WDR62: variants seen among roughly 807,000 people sequenced by gnomAD.
WDR62 encodes the protein WD repeat-containing protein 62.
Under a neutral mutation model 160.6 loss-of-function variants are expected in WDR62, and 112 were observed. That is an observed-to-expected ratio of 0.70 (90% confidence interval 0.60 to 0.82). WDR62 has a LOEUF of 0.82. WDR62 is among the 40% of genes least tolerant of loss of function. The pLI, the probability that WDR62 is intolerant of heterozygous loss-of-function variation, is 0.00. For synonymous variants in WDR62, 792 were observed against 815.1 expected (o/e 0.97, Z 0.48); for missense variants, 1,819 against 1,983.8 (o/e 0.92, Z 1.58).
downstream of WDR62, among the ~76,000 whole-genome samples, chr19:36,109,905 A>G (rs1242754931): frequency 6.7e-6 from 1 of 150,340 alleles, no homozygotes; most frequent in East Asian, 2.0e-4. Context: ...AACACAAAAA[A>G]TCAGCTGGGT....
At chr19:36,104,267 A>T (rs1008088721) in intron 30 of WDR62, among the ~76,000 whole-genome samples, 2 of 152,168 alleles carry the variant, frequency 1.3e-5, no homozygotes, top group Non-Finnish European at 2.9e-5. Context: ...ACACATGCTT[A>T]GGAGGGACAG....
chr19:36,081,792 A>G (rs1379670277), intron 10 of WDR62: 3 of 682,624 alleles, frequency 4.4e-6, no homozygotes, highest in Non-Finnish European at 7.9e-6. Flanking sequence ...ATTCTTTGCC[A>G]GTTGGCTCCT....
intron 3 of WDR62, among the ~76,000 whole-genome samples, chr19:36,065,200 C>T (rs1369381520): frequency 6.6e-6 from 1 of 152,150 alleles, no homozygotes; most frequent in African/African-American, 2.4e-5. Context: ...TAAGGAGCCA[C>T]GGGAAGCCTG....
At chr19:36,067,765 C>A (rs544160522) in intron 6 of WDR62, 63 bp from the exon 7 acceptor site, 2 of 1,570,482 alleles carry the variant, frequency 1.3e-6, no homozygotes, top group Non-Finnish European at 8.7e-7. Flanking sequence ...TGTGTCCTAT[C>A]ATCTGGTCAT....
chr19:36,106,264 G>A (rs952015487), downstream of WDR62, among the ~76,000 whole-genome samples: 3 of 151,478 alleles, frequency 2.0e-5, no homozygotes, highest in Admixed American at 1.3e-4. Context: ...TACTCAGGAG[G>A]TTGAGGCAGG....
In WDR62 at chr19:36,073,468, C is replaced by T. The variant is rs794727965; in HGVS notation, c.1170C>T (p.Asp390=). The stretch of plus-strand genomic sequence containing the variant: ...GCATCTACATCTGGGATGTCAAGGA[C>T]ATCAACAGAGTGGGCAAGGTGTGGT... ...DHSIYIWDVK[D]INRVGKVWSE... is the part of the protein sequence containing the mutation. The change falls in exon 9 of 32, where the codon GAC becomes GAT. Residue 390 remains aspartate (D), a synonymous_variant. Transcript: ENST00000401500. The T allele has an allele frequency of 1.3e-5, 21 of 1,613,942 alleles. No homozygotes were observed. The Admixed American group carries it at 3.3e-4, about 26-fold the overall frequency.
intron 18 of WDR62, 89 bp from the exon 19 acceptor site, chr19:36,092,600 G>A (rs1307252869): frequency 1.9e-6 from 3 of 1,567,540 alleles, no homozygotes; most frequent in Admixed American, 1.7e-5. Flanking sequence ...GGTCCAGGCT[G>A]TGGTGTGGGT....
rs1972440677 is a variant in WDR62, at chr19:36,089,192, A to G, written c.1844A>G (p.Asp615Gly). Residue 615 changes from aspartate to glycine, a missense_variant, in exon 15 of 32, where the codon GAT (aspartate) becomes GGT (glycine). By Grantham distance (94) the Asp-to-Gly change is moderately conservative. This residue lies in a region of WDR62 where 934 missense variants were observed against 1,157.2 expected (regional missense o/e 0.81). Transcript: ENST00000401500. ...IYFRSAQQGS[D>G]GLHFVRTHHV... Reference sequence around the variant, plus strand: ...TCCTGCCGGCCCTGCCAGGGTTCGGATGGACTACACTTTGTCCGTACCCAC... The same window carrying G: ...TCCTGCCGGCCCTGCCAGGGTTCGGGTGGACTACACTTTGTCCGTACCCAC... The G allele has an allele frequency of 2.5e-6, 4 of 1,614,096 alleles. No individual in the cohort carries two copies. The highest frequency in any genetic ancestry group is 1.3e-5 in the African/African-American group (1 of 75,018).
intron 1 of WDR62, among the ~76,000 whole-genome samples, chr19:36,058,395 CCTT>C (rs777539673): frequency 6.6e-6 from 1 of 152,192 alleles, no homozygotes; most frequent in Non-Finnish European, 1.5e-5. Flanking sequence ...TCACAGGTCA[CCTT>C]CTCACCGCGG....
At chr19:36,070,145 ATTT>A (rs1293049326) in intron 7 of WDR62, 1 of 142,892 alleles carries the variant, frequency 7.0e-6, no homozygotes, top group Non-Finnish European at 1.5e-5. Context: ...ACTTTTATTT[ATTT>A]TTATTTATTT....
chr19:36,111,130 G>T, the WDR62 span: 2 of 1,297,434 alleles, frequency 1.5e-6, no homozygotes, highest in Non-Finnish European at 2.1e-6. Flanking sequence ...TCCCACCAGG[G>T]ATAGTCATCC....
the WDR62 span, among the ~76,000 whole-genome samples, chr19:36,110,904 C>T: frequency 6.6e-6 from 1 of 152,066 alleles, no homozygotes. Context: ...TTCTTCCTAT[C>T]CTCAAAAGCT....
intron 9 of WDR62, chr19:36,073,932 C>G (rs1971437569): frequency 2.8e-6 from 1 of 358,134 alleles, no homozygotes; most frequent in African/African-American, 2.1e-5. Flanking sequence ...CACAGAGGCC[C>G]TGCGGCAGGA....
downstream of WDR62, among the ~76,000 whole-genome samples, chr19:36,107,147 C>T (rs970664165): frequency 1.3e-5 from 2 of 152,208 alleles, no homozygotes; most frequent in African/African-American, 4.8e-5. Flanking sequence ...ACGTTGGTTA[C>T]CCTTGATGTC....
intron 30 of WDR62, 22 bp from the exon 31 acceptor site, chr19:36,104,496 C>T (rs1973612206): frequency 6.2e-7 from 1 of 1,612,882 alleles, no homozygotes. Flanking sequence ...TCATCTTGCT[C>T]ATTCCCTTCT....
chr19:36,072,716 G>A (rs1332756589), intron 8 of WDR62, among the ~76,000 whole-genome samples: 1 of 152,150 alleles, frequency 6.6e-6, no homozygotes, highest in East Asian at 1.9e-4. Context: ...CAACCCACAG[G>A]CAGTGTTGTG....
At chr19:36,094,912 T>C (rs113770752) in intron 20 of WDR62, among the ~76,000 whole-genome samples, 4 of 152,002 alleles carry the variant, frequency 2.6e-5, no homozygotes, top group African/African-American at 7.3e-5. Context: ...ACACCTATAG[T>C]CCCAGCTACC....
At chr19:36,107,653 T>TG (rs1292936096), downstream of WDR62, among the ~76,000 whole-genome samples, 2 of 151,890 alleles carry the variant, frequency 1.3e-5, no homozygotes, top group Non-Finnish European at 2.9e-5. Context: ...ATTGCTTTGA[T>TG]GTGCTTGGAC....
Position 36,067,976 on chromosome 19 carries a change from A to T in WDR62, c.848A>T (p.Glu283Val), listed in dbSNP as rs1160306031. 1.2e-6 allele frequency: 2 copies of T among 1,614,144 alleles called. No individual in the cohort carries two copies. The highest frequency in any genetic ancestry group is 2.7e-5 in the African/African-American group (2 of 75,058). ...SYSGLLCQFN[E>V]KRVLEKWINL... is the part of the protein sequence containing the mutation. ...TCGGGCCTCCTCTGCCAGTTCAATGAGAAGAGGGTGCTGGAGAAGTGGATC... is the reference window on the plus strand; with the variant it reads ...TCGGGCCTCCTCTGCCAGTTCAATGTGAAGAGGGTGCTGGAGAAGTGGATC... The change falls in exon 7 of 32, where the codon GAG becomes GTG. Residue 283 changes from glutamate to valine, a missense_variant. By Grantham distance (121) the Glu-to-Val change is moderately radical. Around this residue, in one of 3 missense-constraint regions of WDR62, gnomAD observed 934 missense variants for 1,157.2 expected, o/e 0.81. Coordinates refer to ENST00000401500, the MANE Select transcript of WDR62 (RefSeq NM_001083961.2).
Sources: gnomAD v4.1 joint callset for allele counts (sites outside exome capture counted in the v4.1 genomes callset) on GRCh38, gnomAD v4.1.1 for gene constraint, gnomAD v4.1.1 regional missense constraint, MANE v1.5 for transcripts, NCBI Gene and HGNC (gene_info 2026-07-23, HGNC 2026-07-21) for gene names.